Variants in CTNNAL1 observed in about 807,000 individuals in gnomAD.
The protein encoded by CTNNAL1 is catenin alpha like 1.
In CTNNAL1, 69 loss-of-function variants were observed where a neutral mutation model predicts 93.6. That is an observed-to-expected ratio of 0.74 (90% CI 0.61 to 0.90). The LOEUF (loss-of-function observed/expected upper bound fraction) is 0.90, where lower values mean the gene tolerates loss of function less well. CTNNAL1 is among the 40% of genes least tolerant of loss of function. CTNNAL1 has a pLI of 0.00. For missense variants in CTNNAL1, 836 were observed against 862.0 expected (o/e 0.97, Z 0.38); for synonymous variants, 286 against 305.4 (o/e 0.94, Z 0.66).
At position 108,999,834 on chromosome 9, in the gene CTNNAL1, A is replaced by G. The variant is rs1826729326; in HGVS notation, c.142-578T>C. On this transcript the variant is annotated intron_variant, in intron 1 of 18. Coordinates refer to ENST00000325551, the MANE Select transcript of CTNNAL1 (RefSeq NM_003798.4). ...TAAACGAAATACCGAGAGTTTTAAC[A>G]CTTGATCCCAGGCCCTGAAATAAAA... Among the ~76,000 whole-genome samples the G allele has an allele frequency of 5.3e-5, 8 of 152,354 alleles. 1 individual carries two copies. In the South Asian group the frequency reaches 1.7e-3, roughly 32 times the overall value.
intron 2 of CTNNAL1, among the ~76,000 whole-genome samples, chr9:108,996,507 C>T (rs1240290765): frequency 6.6e-6 from 1 of 152,148 alleles, no homozygotes; most frequent in Non-Finnish European, 1.5e-5. Flanking sequence ...CCCATGAAAC[C>T]TGACAGCTTC....
At chr9:108,954,273 T>C (rs867421179) in intron 12 of CTNNAL1, among the ~76,000 whole-genome samples, 30 of 152,288 alleles carry the variant, frequency 2.0e-4, no homozygotes, top group Admixed American at 2.6e-4. Context: ...AGACTCCAAC[T>C]TCACTTCCTA....
chr9:109,003,253 A>G (rs1161271689), intron 1 of CTNNAL1, among the ~76,000 whole-genome samples: 1 of 152,232 alleles, frequency 6.6e-6, no homozygotes, highest in African/African-American at 2.4e-5. Context: ...AGCATATATC[A>G]AAGAGACTTG....
chr9:108,965,599 G>C, intron 10 of CTNNAL1, 71 bp from the exon 11 acceptor site: 1 of 816,994 alleles, frequency 1.2e-6, no homozygotes, highest in Non-Finnish European at 1.8e-6. Context: ...GAAGACCAAA[G>C]GTAAGTAAGT....
chr9:108,943,891 T>C (rs1830320910), intron 16 of CTNNAL1, 71 bp downstream of exon 16: 1 of 1,599,078 alleles, frequency 6.3e-7, no homozygotes, highest in Non-Finnish European at 8.6e-7. Context: ...CATTTATACA[T>C]TGATATTATA....
chr9:108,959,668 T>C (rs1314462339), intron 11 of CTNNAL1, among the ~76,000 whole-genome samples: 2 of 152,206 alleles, frequency 1.3e-5, no homozygotes, highest in East Asian at 1.9e-4. Flanking sequence ...TATCATATTA[T>C]AAACATTAAA....
intron 4 of CTNNAL1, among the ~76,000 whole-genome samples, chr9:108,987,456 GTA>G (rs1304850051): frequency 6.6e-6 from 1 of 152,250 alleles, no homozygotes; most frequent in Non-Finnish European, 1.5e-5. Flanking sequence ...TTGAAGTCAG[GTA>G]TTGTGATGCC....
intron 2 of CTNNAL1, among the ~76,000 whole-genome samples, chr9:108,996,452 C>T (rs912066082): frequency 6.6e-5 from 10 of 152,182 alleles, no homozygotes; most frequent in African/African-American, 2.4e-4. Flanking sequence ...GCATCATTCT[C>T]ATACTCTTAC....
chr9:108,983,430 G>C, intron 5 of CTNNAL1, 115 bp from the exon 6 acceptor site: 2 of 1,187,482 alleles, frequency 1.7e-6, no homozygotes, highest in South Asian at 6.8e-5. Context: ...AATCTCCTGG[G>C]TCCCTGGCTC....
intron 9 of CTNNAL1, among the ~76,000 whole-genome samples, chr9:108,970,867 C>A (rs1831095199): frequency 6.6e-6 from 1 of 152,024 alleles, no homozygotes; most frequent in African/African-American, 2.4e-5. Context: ...CAAGGTCTCA[C>A]AGCTAAACTA....
intron 10 of CTNNAL1, among the ~76,000 whole-genome samples, chr9:108,969,131 G>A (rs1201985614): frequency 1.3e-5 from 2 of 151,796 alleles, no homozygotes; most frequent in Admixed American, 6.6e-5. Flanking sequence ...TTAGCCAGAC[G>A]TGGTGGCATA....
At chr9:108,951,454 G>GT (rs1830564209) in intron 14 of CTNNAL1, among the ~76,000 whole-genome samples, 1 of 152,146 alleles carries the variant, frequency 6.6e-6, no homozygotes, top group Admixed American at 6.5e-5. Flanking sequence ...ATCAGAATGA[G>GT]TAGGACAGGA....
chr9:109,000,764 G>A (rs56733428), intron 1 of CTNNAL1, among the ~76,000 whole-genome samples: 3,552 of 151,806 alleles, frequency 0.023, 134 homozygotes, highest in African/African-American at 0.081. Flanking sequence ...AGGTGAAGTC[G>A]GAAGTGGCTA....
rs78508328 is a variant in CTNNAL1, at chr9:108,991,417, C to A, written c.520-572G>T. Among the ~76,000 whole-genome samples, 1,007 of 152,162 alleles carry A rather than the reference C, an allele frequency of 6.6e-3. 18 individuals are homozygous for A. The highest frequency in any genetic ancestry group is 0.023 in the African/African-American group (962 of 41,504). On this transcript the variant is annotated intron_variant, in intron 3 of 18. Coordinates refer to ENST00000325551, the MANE Select transcript of CTNNAL1 (RefSeq NM_003798.4). ...AAAGAGTGTGTGAATCTGGTAGAGCCAGTGACTAAAATGTTATGTGTTTTC... is the reference window on the plus strand; with the variant it reads ...AAAGAGTGTGTGAATCTGGTAGAGCAAGTGACTAAAATGTTATGTGTTTTC...
rs774498538 is a variant in CTNNAL1 at position 108,984,336 on chromosome 9, AATTG to A, written c.729+7_729+10del. 6.5e-7 allele frequency: 1 copy of A among 1,540,636 alleles called. No homozygotes were observed. The highest frequency in any genetic ancestry group is 1.4e-5 in the African/African-American group (1 of 73,150). ...TTAATTTATTACACAGTAAAACCAA[AATTG>A]TCTTACCTTTGAAGCTGTGAGAAGC... On this transcript the variant is annotated splice_region_variant and intron_variant, in intron 5 of 18. Transcript: ENST00000325551.
chr9:109,010,197 G>A (rs1025876972), intron 1 of CTNNAL1, among the ~76,000 whole-genome samples: 1 of 152,180 alleles, frequency 6.6e-6, no homozygotes, highest in African/African-American at 2.4e-5. Context: ...CAGCCAGTGC[G>A]CCTGTGCCTT....
intron 11 of CTNNAL1, among the ~76,000 whole-genome samples, chr9:108,960,275 C>T (rs1020872217): frequency 2.0e-5 from 3 of 152,082 alleles, no homozygotes; most frequent in Non-Finnish European, 4.4e-5. Flanking sequence ...ACCAATAAAC[C>T]CTACCAATAT....
chr9:108,981,737 CA>C (rs533108007), intron 6 of CTNNAL1, among the ~76,000 whole-genome samples: 66 of 152,136 alleles, frequency 4.3e-4, no homozygotes, highest in African/African-American at 1.5e-3. Context: ...CCAGCCTGGC[CA>C]ACATGGCAAA....
intron 4 of CTNNAL1, among the ~76,000 whole-genome samples, chr9:108,985,757 C>G (rs1239260889): frequency 6.6e-6 from 1 of 152,142 alleles, no homozygotes; most frequent in South Asian, 2.1e-4. Flanking sequence ...GGACTCCTTT[C>G]AAAACCACCT....
Sources: allele counts gnomAD v4.1 joint callset (sites outside exome capture counted in the v4.1 genomes callset), GRCh38; gene constraint gnomAD v4.1.1; transcripts MANE v1.5; gene names NCBI Gene and HGNC (gene_info 2026-07-23, HGNC 2026-07-21).